The following ZNF519 variants were observed in gnomAD, a reference collection of about 807,000 sequenced individuals.
ZNF519 encodes the protein similar to Zinc finger protein 85 (Zinc finger protein HPF4) (HTF1).
In ZNF519, 7 loss-of-function variants were observed where a neutral mutation model predicts 7.4. The observed-to-expected ratio is 0.94, with a 90% confidence interval of 0.54 to 1.77. ZNF519 has a LOEUF of 1.77. Ranked by LOEUF, ZNF519 falls within the 40% of genes most tolerant of loss-of-function variation. ZNF519 has a pLI of 0.00. For synonymous variants in ZNF519, 179 were observed against 203.3 expected (o/e 0.88, Z 1.02); for missense variants, 586 against 623.1 (o/e 0.94, Z 0.63).
intron 1 of ZNF519, among the ~76,000 whole-genome samples, chr18:14,125,001 T>C (rs1353441988): frequency 1.3e-5 from 2 of 152,208 alleles, no homozygotes; most frequent in Non-Finnish European, 2.9e-5. Context: ...TTTGGTATTC[T>C]AGGCCTCACT....
intron 2 of ZNF519, among the ~76,000 whole-genome samples, chr18:14,121,557 A>T (rs1446735248): frequency 1.3e-5 from 2 of 152,166 alleles, no homozygotes; most frequent in Non-Finnish European, 1.5e-5. Context: ...GGTTCTTGAA[A>T]ACTGTGGGCT....
chr18:14,101,531 G>T lies in ZNF519; in HGVS notation c.*3386C>A. On this transcript the variant is annotated 3_prime_UTR_variant, in exon 3 of 3. Coordinates refer to ENST00000590202, the MANE Select transcript of ZNF519 (RefSeq NM_145287.4). The stretch of plus-strand genomic sequence containing the variant: ...GCTGAAGGAAGGAAACAGACTCAGG[G>T]TCCCTTGGATTAAAACTGTGGGTCA... 2.5e-6 allele frequency: 1 copy of T among 397,050 alleles called. No individual in the cohort carries two copies. The highest frequency in any genetic ancestry group is 4.4e-6 in the Non-Finnish European group (1 of 225,576). 24.6% of individuals were successfully genotyped at this position (397,050 alleles called of 1,614,324 possible).
At chr18:14,112,646 G>A (rs1049675419) in intron 2 of ZNF519, among the ~76,000 whole-genome samples, 3 of 151,984 alleles carry the variant, frequency 2.0e-5, no homozygotes, top group Admixed American at 6.6e-5. Flanking sequence ...AGTGAACAAT[G>A]TGAAAAAGAA....
intron 2 of ZNF519, among the ~76,000 whole-genome samples, chr18:14,108,094 G>A (rs2046203182): frequency 6.6e-6 from 1 of 152,156 alleles, no homozygotes; most frequent in African/African-American, 2.4e-5. Flanking sequence ...GCAATTACTG[G>A]TGGTACCAGG....
In ZNF519 at chr18:14,102,824, T is replaced by C. The variant is rs532203402; in HGVS notation, c.*2093A>G. 1 of 151,976 alleles carries C rather than the reference T, an allele frequency of 6.6e-6. No homozygotes were observed. The highest frequency in any genetic ancestry group is 2.1e-4 in the South Asian group (1 of 4,832). The allele number at this position is 151,976 out of a possible 1,614,324, so 9.4% of individuals were successfully genotyped here. On this transcript the variant is annotated 3_prime_UTR_variant, in exon 3 of 3. Transcript: ENST00000590202. ...AATCCAAATTGGGGGAAAAAAGCTA[T>C]ATAGTGGTAATATTTTATATCTCAT...
At position 14,101,852 on chromosome 18, in the gene ZNF519, T is replaced by A; in HGVS notation, c.*3065A>T. On this transcript the variant is annotated 3_prime_UTR_variant, in exon 3 of 3. Coordinates refer to ENST00000590202, the MANE Select transcript of ZNF519 (RefSeq NM_145287.4). ...GACCTGGCCTCTTCTGTCGAGTCTT[T>A]CCATTCCCCAAATCAGGCACAGACC... is the stretch of plus-strand genomic sequence containing the variant. 1 of 397,774 alleles carries A rather than the reference T, an allele frequency of 2.5e-6. No homozygotes were observed. The highest frequency in any genetic ancestry group is 4.4e-6 in the Non-Finnish European group (1 of 225,822). The allele number at this position is 397,774 out of a possible 1,614,324, so 24.6% of individuals were successfully genotyped here. A position where few individuals can be genotyped will look rare whatever the true frequency, so the allele number is the denominator to read the frequency against.
chr18:14,072,176 G>T (rs761769664), downstream of ZNF519: 2 of 152,102 alleles, frequency 1.3e-5, no homozygotes, highest in African/African-American at 4.8e-5. Context: ...TAACTGCCTG[G>T]TCTGTAACAT....
chr18:14,073,228 A>C (rs959045712), downstream of ZNF519: 25 of 150,754 alleles, frequency 1.7e-4, no homozygotes, highest in Non-Finnish European at 2.8e-4. Context: ...GTTTGCATGG[A>C]AATTTTTATT....
Position 14,124,431 on chromosome 18 carries a change from C to T in ZNF519, c.49G>A (p.Glu17Lys), listed in dbSNP as rs894645653. 1.9e-6 allele frequency: 3 copies of T among 1,613,014 alleles called. No homozygotes were observed. The South Asian group carries it at 3.3e-5, about 18-fold the overall frequency. Reference sequence around the variant, plus strand: ...TGGGCAGGGTCTAGGCATTTCCACTCTTCTGGAGAGAATTCTATGGCCACA... The same window carrying T: ...TGGGCAGGGTCTAGGCATTTCCACTTTTCTGGAGAGAATTCTATGGCCACA... ...RDVAIEFSPE[E>K]WKCLDPAQQN... Residue 17 changes from glutamate to lysine, a missense_variant, in exon 2 of 3, where the codon GAG becomes AAG. Transcript: ENST00000590202.
downstream of ZNF519, chr18:14,071,876 T>C (rs2046029594): frequency 6.6e-6 from 1 of 152,182 alleles, no homozygotes; most frequent in South Asian, 2.1e-4. Flanking sequence ...AGAAAGATGT[T>C]ACAAGACCCT....
chr18:14,100,078 A>T lies in ZNF519; in HGVS notation c.*4839T>A, dbSNP rs1191501637. The stretch of plus-strand genomic sequence containing the variant: ...GAATAAACATTTCATCAGAGATAAT[A>T]GGCAGATGTCATATGAGAACATTAA... On this transcript the variant is annotated 3_prime_UTR_variant, in exon 3 of 3. Transcript: ENST00000590202. 6.6e-6 allele frequency: 1 copy of T among 152,228 alleles called. No individual in the cohort carries two copies. The highest frequency in any genetic ancestry group is 1.5e-5 in the Non-Finnish European group (1 of 68,046). The allele number at this position is 152,228 out of a possible 1,614,324, so 9.4% of individuals were successfully genotyped here.
chr18:14,086,978 C>T (rs1210394245), intron 2 of ZNF519, among the ~76,000 whole-genome samples: 3 of 151,698 alleles, frequency 2.0e-5, no homozygotes, highest in African/African-American at 7.3e-5. Flanking sequence ...AATATAGATG[C>T]AAAAATCCTC....
intron 2 of ZNF519, among the ~76,000 whole-genome samples, chr18:14,087,049 T>G (rs1050852269): frequency 1.3e-5 from 2 of 152,062 alleles, no homozygotes; most frequent in African/African-American, 4.8e-5. Flanking sequence ...CAAGATCAAG[T>G]AGAATTCATC....
At chr18:14,084,968 C>T (rs1171544269) in exon 3 of ZNF519, 1 of 152,204 alleles carries the variant, frequency 6.6e-6, no homozygotes, top group Non-Finnish European at 1.5e-5. Context: ...TCCACAGTAT[C>T]ATCCTTGAGG....
chr18:14,101,490 G>T lies in ZNF519; in HGVS notation c.*3427C>A, dbSNP rs1198324910. 2.5e-6 allele frequency: 1 copy of T among 395,870 alleles called. No homozygotes were observed. Among genetic ancestry groups the T allele is most frequent in the Non-Finnish European group, 4.4e-6 (1 of 224,894 alleles). The allele number at this position is 395,870 out of a possible 1,614,324, so 24.5% of individuals were successfully genotyped here. On this transcript the variant is annotated 3_prime_UTR_variant, in exon 3 of 3. Coordinates refer to ENST00000590202, the MANE Select transcript of ZNF519 (RefSeq NM_145287.4). ...GCCGATTGTACACCTGAACAGTGCTGGGGTGAAATGGTGGGGCTGAAGGAA... is the reference window on the plus strand; with the variant it reads ...GCCGATTGTACACCTGAACAGTGCTTGGGTGAAATGGTGGGGCTGAAGGAA...
chr18:14,115,230 A>G (rs925952483), intron 2 of ZNF519, among the ~76,000 whole-genome samples: 1 of 152,098 alleles, frequency 6.6e-6, no homozygotes, highest in Non-Finnish European at 1.5e-5. Flanking sequence ...GAAACTCCCA[A>G]CTCTATGTTT....
At chr18:14,074,372 G>C (rs2046039604), downstream of ZNF519, 1 of 152,304 alleles carries the variant, frequency 6.6e-6, no homozygotes, top group African/African-American at 2.4e-5. Context: ...ACTGCACCCT[G>C]ATGGCCAGCA....
At chr18:14,126,421 A>G (rs1010935078) in intron 1 of ZNF519, among the ~76,000 whole-genome samples, 3 of 152,212 alleles carry the variant, frequency 2.0e-5, no homozygotes, top group Admixed American at 6.5e-5. Context: ...AAATAATACA[A>G]ATAATAACTT....
chr18:14,117,185 T>C (rs544766564), intron 2 of ZNF519, among the ~76,000 whole-genome samples: 6 of 152,116 alleles, frequency 3.9e-5, no homozygotes, highest in African/African-American at 1.2e-4. Flanking sequence ...GAAAAAAAAA[T>C]TGTATGTTTG....
Sources: gnomAD v4.1 joint callset for allele counts (sites outside exome capture counted in the v4.1 genomes callset) on GRCh38, gnomAD v4.1.1 for gene constraint, MANE v1.5 for transcripts, NCBI Gene and HGNC (gene_info 2026-07-23, HGNC 2026-07-21) for gene names.